TMTC2: variants seen among roughly 807,000 people sequenced by gnomAD.
TMTC2 encodes transmembrane O-mannosyltransferase targeting cadherins 2.
In TMTC2, 43 loss-of-function variants were observed where a neutral mutation model predicts 82.4. The observed-to-expected ratio is 0.52, with a 90% confidence interval of 0.41 to 0.67. The LOEUF is 0.67. TMTC2 is among the 30% of genes least tolerant of loss of function. TMTC2 has a pLI of 0.00. For missense variants in TMTC2, 919 were observed against 1,012.4 expected (o/e 0.91, Z 1.25); for synonymous variants, 408 against 381.9 (o/e 1.07, Z -0.80).
chr12:82,903,542 G>C (rs1432664801), intron 3 of TMTC2, among the ~76,000 whole-genome samples: 1 of 152,124 alleles, frequency 6.6e-6, no homozygotes, highest in Non-Finnish European at 1.5e-5. Flanking sequence ...CTCCCGAGTA[G>C]CTGGGACTAC....
At chr12:82,730,389 C>T (rs901452730) in intron 1 of TMTC2, among the ~76,000 whole-genome samples, 2 of 149,898 alleles carry the variant, frequency 1.3e-5, no homozygotes, top group Non-Finnish European at 3.0e-5. Context: ...TTTTCTTCTG[C>T]TATTGGAATA....
chr12:83,065,271 G>A (rs1041712850), intron 11 of TMTC2, among the ~76,000 whole-genome samples: 7 of 151,724 alleles, frequency 4.6e-5, no homozygotes, highest in African/African-American at 1.7e-4. Context: ...TGATATGAAA[G>A]CCATATTTTC....
intron 8 of TMTC2, among the ~76,000 whole-genome samples, chr12:83,014,062 A>T (rs890396275): frequency 6.6e-6 from 1 of 152,240 alleles, no homozygotes; most frequent in Admixed American, 6.5e-5. Flanking sequence ...ATGTTTTTCT[A>T]AGACATTCCA....
intron 1 of TMTC2, among the ~76,000 whole-genome samples, chr12:82,696,825 C>G (rs1872811187): frequency 6.6e-6 from 1 of 152,050 alleles, no homozygotes; most frequent in African/African-American, 2.4e-5. Flanking sequence ...TCCCTGCTTT[C>G]ATATGGACAA....
At chr12:82,725,033 T>C (rs1217635593) in intron 1 of TMTC2, among the ~76,000 whole-genome samples, 1 of 152,104 alleles carries the variant, frequency 6.6e-6, no homozygotes, top group Non-Finnish European at 1.5e-5. Flanking sequence ...TTATCCAAAA[T>C]TTCTGAGCAT....
At chr12:82,786,376 A>C (rs1430254685) in intron 1 of TMTC2, among the ~76,000 whole-genome samples, 1 of 152,114 alleles carries the variant, frequency 6.6e-6, no homozygotes, top group Non-Finnish European at 1.5e-5. Flanking sequence ...GGTATAGTAC[A>C]TTATATGTTG....
At chr12:82,784,131 A>G (rs1878050295) in intron 1 of TMTC2, among the ~76,000 whole-genome samples, 1 of 152,068 alleles carries the variant, frequency 6.6e-6, no homozygotes, top group Non-Finnish European at 1.5e-5. Flanking sequence ...CTACATATAT[A>G]TTTAAAAATA....
At chr12:83,011,973 A>C (rs1329042337) in intron 8 of TMTC2, among the ~76,000 whole-genome samples, 1 of 152,200 alleles carries the variant, frequency 6.6e-6, no homozygotes. Flanking sequence ...ATGATTCTAA[A>C]GCAAGGATTG....
chr12:82,855,538 T>C (rs1871223113), intron 1 of TMTC2, among the ~76,000 whole-genome samples: 1 of 152,144 alleles, frequency 6.6e-6, no homozygotes, highest in Admixed American at 6.5e-5. Flanking sequence ...GGCAAGAGTT[T>C]TATAGTTCTG....
At chr12:82,990,161 T>C (rs1185454474) in intron 8 of TMTC2, among the ~76,000 whole-genome samples, 1 of 152,152 alleles carries the variant, frequency 6.6e-6, no homozygotes, top group Non-Finnish European at 1.5e-5. Context: ...GGAATAGAAA[T>C]TGAGTGGTGT....
intron 1 of TMTC2, among the ~76,000 whole-genome samples, chr12:82,769,159 T>G (rs1320121160): frequency 1.3e-5 from 2 of 151,552 alleles, no homozygotes. Context: ...CTAGCAATAT[T>G]ACTTTAAGAG....
intron 1 of TMTC2, among the ~76,000 whole-genome samples, chr12:82,706,593 C>T (rs1334801666): frequency 6.6e-6 from 1 of 151,876 alleles, no homozygotes; most frequent in Non-Finnish European, 1.5e-5. Flanking sequence ...ATTATATAGG[C>T]TGTATAGGAT....
chr12:82,962,058 G>A (rs1877964541), intron 4 of TMTC2, among the ~76,000 whole-genome samples: 2 of 151,994 alleles, frequency 1.3e-5, no homozygotes, highest in Admixed American at 6.6e-5. Context: ...TCCTCTGAGT[G>A]ACTAGGATCC....
chr12:82,901,297 TA>T (rs765207745), intron 3 of TMTC2, among the ~76,000 whole-genome samples: 1,980 of 123,680 alleles, frequency 0.016, 134 homozygotes, highest in East Asian at 0.062. Flanking sequence ...TATATATATA[TA>T]TATTTTTTTT....
chr12:82,869,218 T>C (rs1234267126), intron 2 of TMTC2, among the ~76,000 whole-genome samples: 3 of 152,134 alleles, frequency 2.0e-5, no homozygotes. Flanking sequence ...GATCATCAGC[T>C]GCTCATGGGG....
chr12:83,119,893 TC>T (rs1188785056), intron 11 of TMTC2, among the ~76,000 whole-genome samples: 3 of 152,202 alleles, frequency 2.0e-5, no homozygotes, highest in African/African-American at 7.2e-5. Flanking sequence ...TTATGTAATG[TC>T]CCTCTTTGTA....
At chr12:82,977,581 A>G (rs1448964702) in intron 7 of TMTC2, among the ~76,000 whole-genome samples, 1 of 151,866 alleles carries the variant, frequency 6.6e-6, no homozygotes, top group East Asian at 1.9e-4. Flanking sequence ...CACATAGCAA[A>G]GTATATTTCA....
rs763583515 is a variant in TMTC2, at chr12:82,986,006, T to C, written c.2030T>C (p.Ile677Thr). The stretch of plus-strand genomic sequence containing the variant: ...TCACTGAGATCCAAGACTGACCACA[T>C]CCCTGCTCATCTCACCTATGGGAAG... ...MESLRSKTDHIPAHLTYGKLL... is the reference protein window; with the variant it reads ...MESLRSKTDHTPAHLTYGKLL... The change falls in exon 8 of 12, where the codon ATC becomes ACC. Residue 677 changes from isoleucine to threonine, a missense_variant. Coordinates refer to ENST00000321196, the MANE Select transcript of TMTC2 (RefSeq NM_152588.3). The C allele has an allele frequency of 7.4e-6, 12 of 1,614,000 alleles. No homozygotes were observed. Among genetic ancestry groups the C allele is most frequent in the South Asian group, 3.3e-5 (3 of 91,084 alleles).
At chr12:82,759,941 AG>A (rs1876519327) in intron 1 of TMTC2, 1 of 152,162 alleles carries the variant, frequency 6.6e-6, no homozygotes, top group Admixed American at 6.6e-5. Flanking sequence ...ATTTTGACAA[AG>A]TTTGGGTTAC....
Sources: allele counts gnomAD v4.1 joint callset (sites outside exome capture counted in the v4.1 genomes callset), GRCh38; gene constraint gnomAD v4.1.1; transcripts MANE v1.5; gene names NCBI Gene and HGNC (gene_info 2026-07-23, HGNC 2026-07-21).